The following ZNF678 variants were observed in gnomAD, a reference collection of about 807,000 sequenced individuals.
ZNF678 encodes hypothetical protein MGC42493.
ZNF678 carries 5 observed loss-of-function variants against 3.0 expected under a neutral mutation model. The observed-to-expected ratio is 1.69, with a 90% CI of 0.88 to 3.56. The LOEUF (loss-of-function observed/expected upper bound fraction) is 3.56, where lower values mean the gene tolerates loss of function less well. Among genes scored for constraint, ZNF678 ranks in the 30% most tolerant of loss-of-function variants. The pLI is 0.00. For synonymous variants in ZNF678, 218 were observed against 199.6 expected (o/e 1.09, Z -0.78); for missense variants, 593 against 605.0 (o/e 0.98, Z 0.21).
chr1:227,631,090 A>G (rs934052251), intron 1 of ZNF678, among the ~76,000 whole-genome samples: 23 of 152,136 alleles, frequency 1.5e-4, no homozygotes, highest in South Asian at 6.2e-4. Context: ...AATTGGCCCA[A>G]TTCTCCAGAA....
rs949907674 is a variant in ZNF678, at chr1:227,611,189, C to A, written c.-163-35355C>A. ...TGGCTCATGATCTGTGTAGAGAGGA[C>A]CTAGCTGCCCTCTGACTTCCACCTG... On this transcript the variant is annotated intron_variant, in intron 1 of 3. Transcript: ENST00000343776. 4.6e-5 allele frequency among the ~76,000 whole-genome samples: 7 copies of A among 152,248 alleles called. No homozygotes were observed. In the East Asian group the frequency reaches 1.4e-3, roughly 29 times the overall value.
intron 2 of ZNF678, among the ~76,000 whole-genome samples, chr1:227,650,363 T>G (rs1659060717): frequency 6.6e-6 from 1 of 152,174 alleles, no homozygotes; most frequent in Admixed American, 6.5e-5. Context: ...TCCCTTTTTT[T>G]GTATCTATTT....
At chr1:227,569,464 T>A (rs1020115068) in intron 1 of ZNF678, among the ~76,000 whole-genome samples, 6 of 152,224 alleles carry the variant, frequency 3.9e-5, no homozygotes, top group African/African-American at 4.8e-5. Flanking sequence ...TTATTGTTTT[T>A]AAAATTTTTA....
At chr1:227,588,232 T>C (rs772626091) in intron 1 of ZNF678, among the ~76,000 whole-genome samples, 1 of 152,212 alleles carries the variant, frequency 6.6e-6, no homozygotes, top group African/African-American at 2.4e-5. Context: ...CAGTCTATCA[T>C]TGATGGGCAT....
At chr1:227,666,906 G>A (rs765785665), downstream of ZNF678, among the ~76,000 whole-genome samples, 1 of 150,884 alleles carries the variant, frequency 6.6e-6, no homozygotes, top group African/African-American at 2.4e-5. Flanking sequence ...CACCACAGCC[G>A]GCTAATTTTT....
chr1:227,611,726 G>A (rs1658024827), intron 1 of ZNF678, among the ~76,000 whole-genome samples: 1 of 152,172 alleles, frequency 6.6e-6, no homozygotes, highest in Admixed American at 6.5e-5. Flanking sequence ...CTCACAGTGG[G>A]CTTTTGGTGT....
intron 1 of ZNF678, among the ~76,000 whole-genome samples, chr1:227,637,625 G>A (rs1196882443): frequency 2.0e-5 from 3 of 152,140 alleles, no homozygotes; most frequent in African/African-American, 7.2e-5. Flanking sequence ...GTGAGGACGG[G>A]GGCCTGAAAT....
chr1:227,601,576 T>G lies in ZNF678; in HGVS notation c.-164+37852T>G, dbSNP rs188165830. ...TTTTATTTATTTATTTTTATTTTAT[T>G]TTTTTTGAGACGGAGTCTCACTCTG... On this transcript the variant is annotated intron_variant, in intron 1 of 3. Transcript: ENST00000343776. 6.6e-5 allele frequency among the ~76,000 whole-genome samples: 10 copies of G among 151,976 alleles called. No individual in the cohort carries two copies. In the East Asian group the frequency reaches 1.9e-3, roughly 29 times the overall value.
intron 1 of ZNF678, among the ~76,000 whole-genome samples, chr1:227,640,884 G>A (rs1393614021): frequency 1.3e-5 from 2 of 152,176 alleles, no homozygotes; most frequent in East Asian, 3.9e-4. Flanking sequence ...TAAAAGGAGC[G>A]ATCATCACTG....
chr1:227,588,297 G>A (rs1350016900), intron 1 of ZNF678, among the ~76,000 whole-genome samples: 5 of 152,084 alleles, frequency 3.3e-5, no homozygotes, highest in Non-Finnish European at 7.4e-5. Context: ...GAACATACAT[G>A]TGCATGTATC....
At chr1:227,588,994 T>A (rs988440545) in intron 1 of ZNF678, among the ~76,000 whole-genome samples, 3 of 152,224 alleles carry the variant, frequency 2.0e-5, no homozygotes, top group Admixed American at 6.5e-5. Flanking sequence ...TAGGGTTGTT[T>A]TTTTCTTGTA....
In ZNF678 at chr1:227,569,685, T is replaced by G. The variant is rs115294665; in HGVS notation, c.-164+5961T>G. Among the ~76,000 whole-genome samples the G allele has an allele frequency of 4.0e-3, 597 of 151,112 alleles. 5 individuals are homozygous for G. Among genetic ancestry groups the G allele is most frequent in the African/African-American group, 0.013 (549 of 41,070 alleles). ...TGAATGCATTTATTAGTTTAAGCTA[T>G]TTCTTGGTGGACTATTTATGATTTT... is the stretch of plus-strand genomic sequence containing the variant. On this transcript the variant is annotated intron_variant, in intron 1 of 3. Coordinates refer to ENST00000343776, the MANE Select transcript of ZNF678 (RefSeq NM_001367909.1).
chr1:227,629,772 C>G (rs536721046), intron 1 of ZNF678, among the ~76,000 whole-genome samples: 1 of 152,328 alleles, frequency 6.6e-6, no homozygotes, highest in South Asian at 2.1e-4. Context: ...ATTCCCTTGA[C>G]ATAAGGGGCA....
chr1:227,573,456 A>AAT (rs1656907864), intron 1 of ZNF678, among the ~76,000 whole-genome samples: 1 of 152,256 alleles, frequency 6.6e-6, no homozygotes, highest in South Asian at 2.1e-4. Context: ...GGTCATGCAT[A>AAT]ATGTGTGCTT....
intron 1 of ZNF678, among the ~76,000 whole-genome samples, chr1:227,573,997 A>T (rs1048306846): frequency 6.6e-6 from 1 of 152,228 alleles, no homozygotes; most frequent in Admixed American, 6.5e-5. Flanking sequence ...TGCAAAGGGC[A>T]TGATCTCATT....
chr1:227,635,629 C>G (rs1658659029), intron 1 of ZNF678, among the ~76,000 whole-genome samples: 1 of 151,120 alleles, frequency 6.6e-6, no homozygotes, highest in Non-Finnish European at 1.5e-5. Flanking sequence ...GGCGTCAGCA[C>G]CAAGTGAGGA....
intron 1 of ZNF678, among the ~76,000 whole-genome samples, chr1:227,585,082 A>AT (rs796597732): frequency 8.5e-5 from 13 of 152,210 alleles, no homozygotes; most frequent in African/African-American, 3.1e-4. Flanking sequence ...GAAGAGACAA[A>AT]TTTTTTCTAT....
At chr1:227,577,352 A>C (rs150497152) in intron 1 of ZNF678, among the ~76,000 whole-genome samples, 2 of 152,152 alleles carry the variant, frequency 1.3e-5, no homozygotes, top group African/African-American at 4.8e-5. Context: ...GCCCCCTACT[A>C]TTACTGTGTG....
intron 1 of ZNF678, among the ~76,000 whole-genome samples, chr1:227,588,274 A>G (rs565909981): frequency 1.3e-5 from 2 of 152,288 alleles, no homozygotes; most frequent in South Asian, 2.1e-4. Flanking sequence ...GCTATTGTAA[A>G]TAGTACTACA....
Sources: gnomAD v4.1 joint callset for allele counts (sites outside exome capture counted in the v4.1 genomes callset) on GRCh38, gnomAD v4.1.1 for gene constraint, MANE v1.5 for transcripts, NCBI Gene and HGNC (gene_info 2026-07-23, HGNC 2026-07-21) for gene names.